CATSPERG: variants seen among roughly 807,000 people sequenced by gnomAD.
CATSPERG encodes the protein cation channel sperm-associated auxiliary subunit gamma.
CATSPERG carries 115 observed loss-of-function variants against 145.0 expected under a neutral mutation model. That is an observed-to-expected ratio of 0.79 (90% CI 0.68 to 0.93). The LOEUF (loss-of-function observed/expected upper bound fraction) is 0.93. CATSPERG is among the 40% of genes least tolerant of loss of function. The pLI is 0.00. For synonymous variants in CATSPERG, 588 were observed against 589.0 expected (o/e 1.00, Z 0.02); for missense variants, 1,296 against 1,490.1 (o/e 0.87, Z 2.14).
In CATSPERG at chr19:38,361,871, C is replaced by A; in HGVS notation, c.2094+10C>A. On this transcript the variant is annotated intron_variant, in intron 17 of 28. Coordinates refer to ENST00000409235, the MANE Select transcript of CATSPERG (RefSeq NM_021185.5). ...CTCCGTGTACGACAAGGTGGGCGTC[C>A]GGCGGCGGGCGGGCAGGCCTGAGAC... 6.3e-7 allele frequency: 1 copy of A among 1,587,664 alleles called. No individual in the cohort carries two copies. The highest frequency in any genetic ancestry group is 1.1e-5 in the South Asian group (1 of 88,412).
Position 38,368,145 on chromosome 19 carries a change from C to A in CATSPERG, c.3020+8C>A, listed in dbSNP as rs759916633. 1.2e-6 allele frequency: 2 copies of A among 1,613,060 alleles called. No individual in the cohort carries two copies. The highest frequency in any genetic ancestry group is 1.1e-5 in the South Asian group (1 of 91,050). ...CGAGAGCCCAGGCATCGAGTGAGTG[C>A]GTAGCCTGGCCCCTCTTGGCCCCCA... On this transcript the variant is annotated splice_region_variant and intron_variant, in intron 26 of 28. Coordinates refer to ENST00000409235, the MANE Select transcript of CATSPERG (RefSeq NM_021185.5).
rs375889437 is a variant in CATSPERG, at chr19:38,354,713, G to A, written c.1001G>A (p.Ser334Asn). The change falls in exon 9 of 29, where the codon AGT (serine) becomes AAT (asparagine). Residue 334 changes from serine to asparagine, a missense_variant. By Grantham distance (46) the Ser-to-Asn change is conservative. Coordinates refer to ENST00000409235, the MANE Select transcript of CATSPERG (RefSeq NM_021185.5). Reference sequence around the variant, plus strand: ...GGCCCCATACTGACTTCACTAGGCAGTTGGATTCGTGTCCTGGCCAGCGAG... The same window carrying A: ...GGCCCCATACTGACTTCACTAGGCAATTGGATTCGTGTCCTGGCCAGCGAG... ...TLYERNRGSG[S>N]WIRVLASECI... is the part of the protein sequence containing the mutation. 23 of 1,613,948 alleles carry A rather than the reference G, an allele frequency of 1.4e-5. No homozygotes were observed. Among genetic ancestry groups the A allele is most frequent in the Non-Finnish European group, 8.5e-7 (1 of 1,179,938 alleles).
intron 7 of CATSPERG, 115 bp downstream of exon 7, chr19:38,346,720 C>A (rs1385734505): frequency 2.2e-6 from 2 of 905,654 alleles, no homozygotes; most frequent in African/African-American, 1.7e-5. Flanking sequence ...TATCTGTCCC[C>A]ATGAGAGGCA....
Position 38,362,587 on chromosome 19 carries a change from C to T in CATSPERG, c.2356+13C>T. ...CAGTCAGAACTCGGTCTGCGCGGGA[C>T]CAGAGTGGAGCCCGAAGGGCGGGGC... On this transcript the variant is annotated intron_variant, in intron 19 of 28. Transcript: ENST00000409235. 1 of 1,613,532 alleles carries T rather than the reference C, an allele frequency of 6.2e-7. No homozygotes were observed. The highest frequency in any genetic ancestry group is 8.5e-7 in the Non-Finnish European group (1 of 1,179,762).
rs1190473172 is a variant in CATSPERG, at chr19:38,337,661, C to T, written c.324+15C>T. 27 of 1,549,344 alleles carry T rather than the reference C, an allele frequency of 1.7e-5. 1 individual carries two copies. In the East Asian group the frequency reaches 2.0e-4, roughly 11 times the overall value. ...GCGAGGAAAAGGTGAGTGGGTGCAG[C>T]ACGGATAGGCTCATTCTATGAGCCT... On this transcript the variant is annotated intron_variant, in intron 3 of 28. Transcript: ENST00000409235.
chr19:38,350,296 T>C (rs893134036), intron 7 of CATSPERG, among the ~76,000 whole-genome samples: 1 of 152,184 alleles, frequency 6.6e-6, no homozygotes, highest in Non-Finnish European at 1.5e-5. Flanking sequence ...AATTTATTGG[T>C]TCACGAGACC....
chr19:38,336,067 G>A, intron 1 of CATSPERG, 192 bp downstream of exon 1: 1 of 399,102 alleles, frequency 2.5e-6, no homozygotes, highest in Non-Finnish European at 5.2e-6. Context: ...GGAGGGAAAG[G>A]GGGAGCCGAA....
In CATSPERG at chr19:38,360,816, C is replaced by A; in HGVS notation, c.1853C>A (p.Thr618Asn). The change falls in exon 16 of 29, where the codon ACC becomes AAC. Residue 618 changes from threonine (T) to asparagine (N), a missense_variant. Transcript: ENST00000409235. ...VEQLLMYQQH[T>N]SHYDLERKGG... The stretch of plus-strand genomic sequence containing the variant: ...CAGCTTCTGATGTATCAACAGCACA[C>A]CAGCCACTATGACTTGGAGCGGAAA... The A allele has an allele frequency of 6.2e-7, 1 of 1,612,096 alleles. No individual in the cohort carries two copies. The highest frequency in any genetic ancestry group is 8.5e-7 in the Non-Finnish European group (1 of 1,179,108).
chr19:38,358,762 G>T (rs1008113608), intron 13 of CATSPERG, among the ~76,000 whole-genome samples: 1 of 152,188 alleles, frequency 6.6e-6, no homozygotes, highest in South Asian at 2.1e-4. Context: ...ATGTTTTAAA[G>T]CTGTGGGAGC....
At chr19:38,359,735 C>T in intron 14 of CATSPERG, 154 bp downstream of exon 14, 2 of 1,380,676 alleles carry the variant, frequency 1.4e-6, no homozygotes, top group Non-Finnish European at 1.9e-6. Context: ...AACTGAAACT[C>T]CTGGAACTCA....
chr19:38,345,417 T>G (rs1015621158), intron 6 of CATSPERG, among the ~76,000 whole-genome samples: 2 of 151,930 alleles, frequency 1.3e-5, no homozygotes, highest in Non-Finnish European at 2.9e-5. Context: ...GGTCTCAAAC[T>G]CCGGGGCTCA....
chr19:38,339,798 G>A (rs962522596), intron 3 of CATSPERG, among the ~76,000 whole-genome samples: 1 of 151,728 alleles, frequency 6.6e-6, no homozygotes, highest in African/African-American at 2.4e-5. Context: ...TGTATATGGT[G>A]TGAGGTCCAA....
chr19:38,356,628 G>A (rs1223940854), intron 10 of CATSPERG, 85 bp downstream of exon 10: 1 of 1,589,774 alleles, frequency 6.3e-7, no homozygotes, highest in Admixed American at 1.7e-5. Flanking sequence ...AGGGGTCATG[G>A]GAAAGAATGG....
chr19:38,361,895 A>G (rs546351344), intron 17 of CATSPERG, 34 bp downstream of exon 17: 1 of 1,526,682 alleles, frequency 6.6e-7, no homozygotes, highest in Non-Finnish European at 8.9e-7. Context: ...CAGGCCTGAG[A>G]CGGGACTGGG....
intron 6 of CATSPERG, among the ~76,000 whole-genome samples, chr19:38,345,259 A>G (rs1346141708): frequency 6.6e-6 from 1 of 150,444 alleles, no homozygotes; most frequent in African/African-American, 2.5e-5. Flanking sequence ...ACGCCCTGCT[A>G]ATAATTTTTT....
At chr19:38,363,672 G>A (rs1405367128) in intron 20 of CATSPERG, among the ~76,000 whole-genome samples, 4 of 151,758 alleles carry the variant, frequency 2.6e-5, no homozygotes, top group African/African-American at 9.7e-5. Context: ...GACTCTTAAC[G>A]AGCATGCTGC....
Position 38,364,896 on chromosome 19 carries a change from G to C in CATSPERG, c.2481G>C (p.Thr827=), listed in dbSNP as rs755303255. The C allele has an allele frequency of 6.2e-7, 1 of 1,613,320 alleles. No individual in the cohort carries two copies. Among genetic ancestry groups the C allele is most frequent in the Non-Finnish European group, 8.5e-7 (1 of 1,179,264 alleles). ...CTCCCCTCCTTCAACCCCAGATTACGCTCAAGGATAAAAAGCTTTGCTATG... is the reference window on the plus strand; with the variant it reads ...CTCCCCTCCTTCAACCCCAGATTACCCTCAAGGATAAAAAGCTTTGCTATG... The part of the protein sequence containing the change: ...INRNSVLFSI[T]LKDKKLCYDQ... The change falls in exon 21 of 29, where the codon ACG becomes ACC. Residue 827 remains threonine, a synonymous_variant. Transcript: ENST00000409235.
intron 8 of CATSPERG, 72 bp from the exon 9 acceptor site, chr19:38,354,638 G>A: frequency 1.9e-6 from 3 of 1,556,548 alleles, no homozygotes; most frequent in Non-Finnish European, 8.7e-7. Flanking sequence ...CTAAAGCCAG[G>A]GAAATGTGGG....
intron 22 of CATSPERG, chr19:38,366,868 A>G: frequency 2.9e-6 from 1 of 346,708 alleles, no homozygotes. Flanking sequence ...AATTTTTTGT[A>G]TTTTTAGTAG....
Sources: gnomAD v4.1 joint callset for allele counts (sites outside exome capture counted in the v4.1 genomes callset) on GRCh38, gnomAD v4.1.1 for gene constraint, MANE v1.5 for transcripts, NCBI Gene and HGNC (gene_info 2026-07-23, HGNC 2026-07-21) for gene names.